KIF3B: variants seen among roughly 807,000 people sequenced by gnomAD.
The protein encoded by KIF3B is kinesin family member 3B.
KIF3B carries 38 observed loss-of-function variants against 74.3 expected under a neutral mutation model. The observed-to-expected ratio is 0.51, with a 90% CI of 0.39 to 0.67. KIF3B has a LOEUF of 0.67. Ranked by LOEUF, KIF3B falls within the 30% of genes least tolerant of loss-of-function variation. The probability of loss-of-function intolerance (pLI) is 0.00; values close to 1 mark genes in which losing one functional copy is unlikely to be tolerated. For missense variants in KIF3B, 649 were observed against 932.0 expected (o/e 0.70, Z 3.95); for synonymous variants, 326 against 342.5 (o/e 0.95, Z 0.53).
rs546066363 is a variant in KIF3B, at chr20:32,318,960, T to A, written c.1748+2086T>A. Among the ~76,000 whole-genome samples the A allele has an allele frequency of 4.3e-4, 65 of 151,780 alleles. 1 individual carries two copies. The South Asian group carries it at 9.0e-3, about 21-fold the overall frequency. On this transcript the variant is annotated intron_variant, in intron 5 of 8. Transcript: ENST00000375712. ...TTTCTACCACCAATTTCTCCACATC[T>A]TCTTTTTTTTTTTTTTCTTTGAGAC...
At chr20:32,330,055 T>G in intron 7 of KIF3B, 86 bp from the exon 8 acceptor site, 1 of 1,247,966 alleles carries the variant, frequency 8.0e-7, no homozygotes, top group South Asian at 1.6e-5. Context: ...AATTTGCACT[T>G]CTATTCTTGG....
At position 32,331,577 on chromosome 20, in the gene KIF3B, A is replaced by G; in HGVS notation, c.*258A>G. 1 of 475,992 alleles carries G rather than the reference A, an allele frequency of 2.1e-6. No individual in the cohort carries two copies. The highest frequency in any genetic ancestry group is 3.7e-6 in the Non-Finnish European group (1 of 272,400). The allele number at this position is 475,992 out of a possible 1,614,324, so 29.5% of individuals were successfully genotyped here. Reference sequence around the variant, plus strand: ...GTAAAGTGCGATAGTTCAAGTGGAAAGCAAGAGAATGACCAGTGACCTTGC... The same window carrying G: ...GTAAAGTGCGATAGTTCAAGTGGAAGGCAAGAGAATGACCAGTGACCTTGC... On this transcript the variant is annotated 3_prime_UTR_variant, in exon 9 of 9. Transcript: ENST00000375712.
At chr20:32,318,994 T>C (rs935904810) in intron 5 of KIF3B, among the ~76,000 whole-genome samples, 12 of 151,930 alleles carry the variant, frequency 7.9e-5, no homozygotes, top group Admixed American at 6.6e-4. Context: ...ACAGTCTCGT[T>C]CTGCCACCCA....
chr20:32,306,925 G>C (rs1375988224), intron 1 of KIF3B, among the ~76,000 whole-genome samples: 3 of 151,772 alleles, frequency 2.0e-5, no homozygotes, highest in African/African-American at 7.3e-5. Flanking sequence ...GAGTCTCCTG[G>C]GCCCATAGTT....
chr20:32,325,308 C>T (rs2047897104), intron 5 of KIF3B, among the ~76,000 whole-genome samples: 1 of 152,066 alleles, frequency 6.6e-6, no homozygotes, highest in East Asian at 1.9e-4. Context: ...CATGCCTCAG[C>T]CTCCCAAGTA....
intron 1 of KIF3B, among the ~76,000 whole-genome samples, chr20:32,297,461 C>T (rs1018685072): frequency 2.6e-5 from 4 of 152,120 alleles, no homozygotes; most frequent in African/African-American, 7.2e-5. Context: ...GATGTTTTTA[C>T]GTGTGTCTTT....
chr20:32,314,448 G>A (rs377737875), intron 2 of KIF3B, among the ~76,000 whole-genome samples: 2 of 151,946 alleles, frequency 1.3e-5, no homozygotes, highest in African/African-American at 4.8e-5. Context: ...GCTGAGGCAC[G>A]AGAATTGCTT....
chr20:32,301,920 GA>G (rs1327298998), intron 1 of KIF3B, among the ~76,000 whole-genome samples: 1 of 152,214 alleles, frequency 6.6e-6, no homozygotes, highest in East Asian at 1.9e-4. Context: ...ATGTGCATCT[GA>G]TTTCCTCAGC....
chr20:32,290,568 G>GGAT (rs2047686463), intron 1 of KIF3B, among the ~76,000 whole-genome samples: 1 of 152,006 alleles, frequency 6.6e-6, no homozygotes, highest in Non-Finnish European at 1.5e-5. Flanking sequence ...ACAGATAAAT[G>GGAT]GATAAAGAAT....
At chr20:32,302,112 T>G (rs1163501072) in intron 1 of KIF3B, among the ~76,000 whole-genome samples, 1 of 152,206 alleles carries the variant, frequency 6.6e-6, no homozygotes, top group Non-Finnish European at 1.5e-5. Flanking sequence ...TAAAGATTTA[T>G]CACTCTAATT....
intron 2 of KIF3B, among the ~76,000 whole-genome samples, chr20:32,311,772 A>C (rs1410782862): frequency 2.7e-5 from 4 of 150,484 alleles, no homozygotes; most frequent in Non-Finnish European, 5.9e-5. Flanking sequence ...CCCCCCACCC[A>C]GTGTAAGAAA....
At chr20:32,322,728 T>TTATTTATATATATTTATTTATATATA (rs1569207657) in intron 5 of KIF3B, among the ~76,000 whole-genome samples, 2 of 42,658 alleles carry the variant, frequency 4.7e-5, no homozygotes, top group Non-Finnish European at 7.7e-5. Flanking sequence ...TTATATTTAT[T>TTATTTATATATATTTATTTATATATA]TATTTATATA....
intron 5 of KIF3B, among the ~76,000 whole-genome samples, chr20:32,322,301 A>T (rs2047864064): frequency 6.6e-6 from 1 of 151,720 alleles, no homozygotes; most frequent in African/African-American, 2.4e-5. Flanking sequence ...TTTTTGGAAT[A>T]TTAATTACTA....
chr20:32,293,390 G>A (rs941825469), intron 1 of KIF3B, among the ~76,000 whole-genome samples: 1 of 152,076 alleles, frequency 6.6e-6, no homozygotes, highest in Non-Finnish European at 1.5e-5. Context: ...CTTGAGCCAG[G>A]AGTTTGAGAC....
chr20:32,309,684 G>A (rs2047789787), intron 1 of KIF3B, 29 bp from the exon 2 acceptor site: 2 of 1,414,804 alleles, frequency 1.4e-6, no homozygotes, highest in African/African-American at 2.9e-5. Flanking sequence ...CAACGGTACT[G>A]TGCTTATTTA....
chr20:32,296,958 CT>C, intron 1 of KIF3B, among the ~76,000 whole-genome samples: 1 of 152,134 alleles, frequency 6.6e-6, no homozygotes, highest in South Asian at 2.1e-4. Flanking sequence ...AGTCCTGATA[CT>C]TCAAAAACAA....
intron 1 of KIF3B, among the ~76,000 whole-genome samples, chr20:32,289,514 A>G (rs6141282): frequency 0.34 from 52,396 of 152,054 alleles, 10,318 homozygotes; most frequent in East Asian, 0.74. Context: ...CTTAACACTT[A>G]TTAAGCTCCC....
chr20:32,309,878 T>C lies in KIF3B; in HGVS notation c.101T>C (p.Val34Ala), dbSNP rs2047790845. 6.2e-7 allele frequency: 1 copy of C among 1,613,980 alleles called. No individual in the cohort carries two copies. The highest frequency in any genetic ancestry group is 8.5e-7 in the Non-Finnish European group (1 of 1,180,036). Residue 34 changes from valine (V) to alanine (A), a missense_variant, in exon 2 of 9, where the codon GTG becomes GCG. Val to Ala is a moderately conservative substitution (Grantham distance 64). Around this residue, in one of 4 missense-constraint regions of KIF3B, gnomAD observed 96 missense variants for 119.0 expected, o/e 0.81. Transcript: ENST00000375712. ...KAASYDKVVD[V>A]DVKLGQVSVK... ...GCTTCGTATGACAAAGTGGTGGATG[T>C]GGATGTTAAGCTGGGGCAGGTGTCT...
intron 1 of KIF3B, among the ~76,000 whole-genome samples, chr20:32,293,322 G>C (rs1260721809): frequency 6.6e-6 from 1 of 151,992 alleles, no homozygotes; most frequent in Non-Finnish European, 1.5e-5. Context: ...AAGCAGCTAA[G>C]CATGGTGTCT....
Sources: gnomAD v4.1 joint callset for allele counts (sites outside exome capture counted in the v4.1 genomes callset) on GRCh38, gnomAD v4.1.1 for gene constraint, gnomAD v4.1.1 regional missense constraint, MANE v1.5 for transcripts, NCBI Gene and HGNC (gene_info 2026-07-23, HGNC 2026-07-21) for gene names.